DLG2: variants seen among roughly 807,000 people sequenced by gnomAD.
DLG2 encodes the protein discs large MAGUK scaffold protein 2.
In DLG2, 45 loss-of-function variants were observed where a neutral mutation model predicts 132.5. The ratio of observed to expected loss-of-function variants is 0.34; its 90% CI spans 0.27 to 0.44. The LOEUF (loss-of-function observed/expected upper bound fraction) is 0.44, where lower values mean the gene tolerates loss of function less well. Among genes scored for constraint, DLG2 ranks in the 20% least tolerant of loss-of-function variants. DLG2 has a pLI of 1.00. For missense variants in DLG2, 1,045 were observed against 1,196.9 expected, an observed-to-expected ratio of 0.87 and a Z score of 1.87; for synonymous variants, 424 against 419.6, an observed-to-expected ratio of 1.01 and a Z score of -0.13.
chr11:84,558,431 A>G (rs1412439702), intron 6 of DLG2, among the ~76,000 whole-genome samples: 2 of 152,158 alleles, frequency 1.3e-5, no homozygotes, highest in African/African-American at 4.8e-5. Flanking sequence ...AAATTGTGGC[A>G]TCTTTGCAAT....
intron 6 of DLG2, among the ~76,000 whole-genome samples, chr11:84,846,893 T>C (rs1334455052): frequency 6.6e-6 from 1 of 152,162 alleles, no homozygotes; most frequent in African/African-American, 2.4e-5. Flanking sequence ...ATGTGAGATT[T>C]TTTTATATGT....
chr11:84,171,892 C>T (rs2095832566), intron 8 of DLG2, among the ~76,000 whole-genome samples: 1 of 152,054 alleles, frequency 6.6e-6, no homozygotes, highest in Non-Finnish European at 1.5e-5. Context: ...CTAGATTGTC[C>T]ATCACCACCT....
At chr11:83,736,833 G>A (rs2091962163) in intron 18 of DLG2, among the ~76,000 whole-genome samples, 1 of 152,196 alleles carries the variant, frequency 6.6e-6, no homozygotes, top group Admixed American at 6.5e-5. Flanking sequence ...TCAGAGTGCA[G>A]CAAAGTGATT....
In DLG2 at chr11:84,530,612, C is replaced by T. The variant is rs527817034; in HGVS notation, c.519+3958G>A. ...ACCAGTTAGAATGGCTTTTATAAAA[C>T]GTCAAAAAATAACAGATGTTGGTGA... is the stretch of plus-strand genomic sequence containing the variant. On this transcript the variant is annotated intron_variant, in intron 7 of 27. Coordinates refer to ENST00000376104, the MANE Select transcript of DLG2 (RefSeq NM_001142699.3). Among the ~76,000 whole-genome samples the T allele has an allele frequency of 5.1e-4, 78 of 152,172 alleles. 2 individuals carry two copies. In the South Asian group the frequency reaches 0.015, roughly 29 times the overall value.
At position 84,419,643 on chromosome 11, in the gene DLG2, C is replaced by G. The variant is rs1044080541; in HGVS notation, c.519+114927G>C. ...ACAATAAATTATATCTTCAAAACAT[C>G]CCTCTATAAGATCCCCACCCCCAGA... On this transcript the variant is annotated intron_variant, in intron 7 of 27. Transcript: ENST00000376104. Among the ~76,000 whole-genome samples, 7 of 152,264 alleles carry G rather than the reference C, an allele frequency of 4.6e-5. 1 individual carries two copies. Among genetic ancestry groups the G allele is most frequent in the Admixed American group, 1.3e-4 (2 of 15,296 alleles).
At position 83,459,639 on chromosome 11, in the gene DLG2, C is replaced by G; in HGVS notation, c.*179G>C. On this transcript the variant is annotated 3_prime_UTR_variant, in exon 28 of 28. Transcript: ENST00000376104. ...TACTGCAATGTCTTTTCTGTCCCAC[C>G]CTTTGGCCCCTCTGTTTCCTTCATG... 1 of 529,350 alleles carries G rather than the reference C, an allele frequency of 1.9e-6. No individual in the cohort carries two copies. Among genetic ancestry groups the G allele is most frequent in the South Asian group, 2.6e-5 (1 of 37,960 alleles). The allele number at this position is 529,350 out of a possible 1,614,324, so 32.8% of individuals were successfully genotyped here.
intron 8 of DLG2, among the ~76,000 whole-genome samples, chr11:84,212,082 T>C (rs955518382): frequency 7.2e-5 from 11 of 152,258 alleles, no homozygotes; most frequent in African/African-American, 2.7e-4. Flanking sequence ...TCTGTGTTTT[T>C]CTATTACTTT....
At chr11:84,299,149 T>C (rs571482338) in intron 7 of DLG2, among the ~76,000 whole-genome samples, 14 of 152,292 alleles carry the variant, frequency 9.2e-5, no homozygotes, top group African/African-American at 3.1e-4. Flanking sequence ...GCTTAAAACA[T>C]GTTTAATCCA....
chr11:84,140,367 T>C (rs2094789869), intron 9 of DLG2, among the ~76,000 whole-genome samples: 3 of 152,164 alleles, frequency 2.0e-5, no homozygotes, highest in Admixed American at 6.6e-5. Flanking sequence ...AAATATGAGA[T>C]GTATCATAAT....
intron 6 of DLG2, among the ~76,000 whole-genome samples, chr11:84,784,397 G>A (rs758666742): frequency 6.7e-6 from 1 of 150,148 alleles, no homozygotes; most frequent in Non-Finnish European, 1.5e-5. Context: ...CATAAAATAA[G>A]AACATTGTCC....
At chr11:83,548,757 A>G (rs1416441504) in intron 19 of DLG2, among the ~76,000 whole-genome samples, 2 of 152,192 alleles carry the variant, frequency 1.3e-5, no homozygotes, top group Non-Finnish European at 1.5e-5. Context: ...TGTGATAAAT[A>G]TAATTTTCCG....
At chr11:84,599,960 G>A (rs183072977) in intron 6 of DLG2, among the ~76,000 whole-genome samples, 1 of 150,926 alleles carries the variant, frequency 6.6e-6, no homozygotes, top group South Asian at 2.1e-4. Flanking sequence ...TGAGCCCTGC[G>A]AGGCTGAGGC....
chr11:84,062,885 A>G (rs1386186145), intron 10 of DLG2, among the ~76,000 whole-genome samples: 1 of 152,176 alleles, frequency 6.6e-6, no homozygotes, highest in East Asian at 1.9e-4. Flanking sequence ...CTAGAGGGTC[A>G]TAGCTATTTA....
At chr11:83,775,172 C>T (rs966429294) in intron 18 of DLG2, among the ~76,000 whole-genome samples, 2 of 152,244 alleles carry the variant, frequency 1.3e-5, no homozygotes, top group African/African-American at 4.8e-5. Flanking sequence ...ACCCTCCTAA[C>T]TCTATTTCCT....
intron 10 of DLG2, among the ~76,000 whole-genome samples, chr11:84,093,213 T>A (rs975568341): frequency 3.3e-5 from 5 of 152,186 alleles, no homozygotes; most frequent in African/African-American, 1.2e-4. Flanking sequence ...TCAGCTGAGC[T>A]GCATTCTCAT....
At chr11:85,529,211 T>G (rs1400792110) in intron 3 of DLG2, among the ~76,000 whole-genome samples, 1 of 152,188 alleles carries the variant, frequency 6.6e-6, no homozygotes, top group Non-Finnish European at 1.5e-5. Context: ...GAACTCTCCT[T>G]CACCTACATT....
chr11:85,529,549 A>G (rs1302610172), intron 3 of DLG2, among the ~76,000 whole-genome samples: 1 of 152,104 alleles, frequency 6.6e-6, no homozygotes, highest in Non-Finnish European at 1.5e-5. Context: ...AATTTTCATC[A>G]TGCTTTAAAA....
At chr11:85,365,749 A>C (rs1254562264) in intron 3 of DLG2, among the ~76,000 whole-genome samples, 2 of 152,254 alleles carry the variant, frequency 1.3e-5, no homozygotes, top group Non-Finnish European at 2.9e-5. Context: ...AATACTATGC[A>C]GCCATAAAGA....
chr11:83,613,573 A>G (rs937563977), intron 19 of DLG2, among the ~76,000 whole-genome samples: 8 of 152,220 alleles, frequency 5.3e-5, no homozygotes, highest in Non-Finnish European at 1.5e-5. Context: ...GTAGCATCAG[A>G]TTCAAGGTTG....
Sources: gnomAD v4.1 joint callset for allele counts (sites outside exome capture counted in the v4.1 genomes callset) on GRCh38, gnomAD v4.1.1 for gene constraint, MANE v1.5 for transcripts, NCBI Gene and HGNC (gene_info 2026-07-23, HGNC 2026-07-21) for gene names.